Variants in USP6 observed in about 807,000 individuals in gnomAD.
The protein encoded by USP6 is ubiquitin specific peptidase 6.
A neutral mutation model predicts 175.7 loss-of-function variants in USP6; 128 were observed. That is an observed-to-expected ratio of 0.73 (90% CI 0.63 to 0.84). USP6 has a LOEUF of 0.84. USP6 is among the 40% of genes least tolerant of loss of function. The probability of loss-of-function intolerance (pLI) is 0.00; values close to 1 mark genes in which losing one functional copy is unlikely to be tolerated. For synonymous variants in USP6, 562 were observed against 630.6 expected (o/e 0.89, Z 1.63); for missense variants, 1,498 against 1,760.3 (o/e 0.85, Z 2.67).
chr17:5,123,471 G>GC (rs1398429841), intron 4 of USP6, among the ~76,000 whole-genome samples: 2 of 151,518 alleles, frequency 1.3e-5, no homozygotes, highest in African/African-American at 4.8e-5. Context: ...GGCCGGCCCA[G>GC]CCCGCGTCAC....
chr17:5,171,536 G>A (rs1240637813), intron 36 of USP6, 51 bp from the exon 37 acceptor site: 1 of 1,569,004 alleles, frequency 6.4e-7, no homozygotes, highest in East Asian at 2.2e-5. Flanking sequence ...CTATACCCTG[G>A]CCATAGTACA....
chr17:5,141,354 A>G, intron 22 of USP6, 71 bp from the exon 23 acceptor site: 1 of 1,428,272 alleles, frequency 7.0e-7, no homozygotes, highest in Non-Finnish European at 9.6e-7. Context: ...TTAAAAAAAA[A>G]AAACAGAAGC....
rs1378149663 is a variant in USP6 at position 5,138,248 on chromosome 17, G to C, written c.1053G>C (p.Arg351Ser). Residue 351 changes from arginine (R) to serine (S), a missense_variant, in exon 21 of 38, where the codon AGG (arginine) becomes AGC (serine). This residue lies in a region of USP6 where 1,217 missense variants were observed against 1,500.8 expected (regional missense o/e 0.81). Coordinates refer to ENST00000574788, the MANE Select transcript of USP6 (RefSeq NM_001304284.2). Reference sequence around the variant, plus strand: ...GGGCCTCTACGAAGAAACTAACAAGGAAGCAAGGGGACCTGCCACCCCCAG... The same window carrying C: ...GGGCCTCTACGAAGAAACTAACAAGCAAGCAAGGGGACCTGCCACCCCCAG... The part of the protein sequence containing the change: ...HLRASTKKLT[R>S]KQGDLPPPAK... The C allele has an allele frequency of 5.6e-6, 9 of 1,613,818 alleles. No individual in the cohort carries two copies. The highest frequency in any genetic ancestry group is 7.6e-6 in the Non-Finnish European group (9 of 1,179,954).
At chr17:5,162,118 AAC>A (rs2074015594) in intron 32 of USP6, among the ~76,000 whole-genome samples, 1 of 152,178 alleles carries the variant, frequency 6.6e-6, no homozygotes, top group Non-Finnish European at 1.5e-5. Context: ...ACTTGTGACA[AAC>A]ATTTATTACT....
chr17:5,145,366 T>C (rs1289980022), intron 26 of USP6, 39 bp from the exon 27 acceptor site: 2 of 1,537,694 alleles, frequency 1.3e-6, no homozygotes, highest in Admixed American at 2.1e-5. Flanking sequence ...GCCTCTCTTT[T>C]GGATTTTGAG....
At chr17:5,130,112 A>G (rs2143819322) in intron 9 of USP6, 23 bp downstream of exon 9, 2 of 498,652 alleles carry the variant, frequency 4.0e-6, no homozygotes, top group East Asian at 3.6e-5. Context: ...TTCATGGCAT[A>G]TGGGGACAAC....
At chr17:5,126,137 G>A (rs56404233) in intron 6 of USP6, among the ~76,000 whole-genome samples, 199 bp downstream of exon 6, 2 of 152,088 alleles carry the variant, frequency 1.3e-5, no homozygotes, top group Non-Finnish European at 2.9e-5. Context: ...TGGTGTTTGC[G>A]CAAGTGCCTT....
chr17:5,134,179 G>A (rs141211154), intron 15 of USP6, 183 bp downstream of exon 15: 3 of 638,236 alleles, frequency 4.7e-6, no homozygotes, highest in Non-Finnish European at 8.2e-6. Context: ...CCTGGGCCAG[G>A]CTGGAACATG....
At position 5,136,687 on chromosome 17, in the gene USP6, C is replaced by T. The variant is rs140348959; in HGVS notation, c.712C>T (p.Gln238Ter). Residue 238 changes from glutamine (Q) to a stop codon, truncating the protein, a stop_gained, in exon 18 of 38, where the codon CAG becomes TAG. Transcript: ENST00000574788. LOFTEE classifies it high-confidence loss of function. The stretch of plus-strand genomic sequence containing the variant: ...GACAGTCCAGGGGCTCCAAGACCAA[C>T]AGGAGCATGTGGTACCCAAGTCACA... ...GGTVQGLQDQ[Q>*]EHVVPKSQPK... is the part of the protein sequence containing the mutation. 69 of 1,612,100 alleles carry T rather than the reference C, an allele frequency of 4.3e-5. No homozygotes were observed. Among genetic ancestry groups the T allele is most frequent in the Non-Finnish European group, 5.5e-5 (65 of 1,179,790 alleles).
chr17:5,123,899 A>ACG (rs1378554438), intron 4 of USP6, among the ~76,000 whole-genome samples: 2 of 142,612 alleles, frequency 1.4e-5, no homozygotes, highest in East Asian at 2.0e-4. Flanking sequence ...GCAAGCACGC[A>ACG]CGTGCGCACA....
chr17:5,118,060 C>T (rs926467796), intron 1 of USP6, 140 bp from the exon 2 acceptor site: 3 of 146,590 alleles, frequency 2.0e-5, no homozygotes, highest in African/African-American at 7.9e-5. Context: ...CAGAGTGGGA[C>T]TCCGTCTCAA....
intron 6 of USP6, among the ~76,000 whole-genome samples, chr17:5,126,211 C>A (rs2072890560): frequency 6.6e-6 from 1 of 152,164 alleles, no homozygotes; most frequent in Non-Finnish European, 1.5e-5. Context: ...AGAAGCAGAG[C>A]CCCAGCATGT....
At chr17:5,137,370 C>A (rs2143902752) in intron 19 of USP6, among the ~76,000 whole-genome samples, 184 bp downstream of exon 19, 1 of 152,344 alleles carries the variant, frequency 6.6e-6, no homozygotes, top group Admixed American at 6.5e-5. Flanking sequence ...GGACTCAGGT[C>A]CAGCCTCATG....
intron 2 of USP6, among the ~76,000 whole-genome samples, chr17:5,120,263 G>GT (rs1481436849): frequency 3.9e-5 from 6 of 152,266 alleles, no homozygotes; most frequent in Middle Eastern, 3.4e-3. Context: ...GTGCTGTGGG[G>GT]TTGGTGGTGG....
intron 37 of USP6, among the ~76,000 whole-genome samples, chr17:5,172,327 A>T (rs746997190): frequency 1.6e-3 from 244 of 152,164 alleles, no homozygotes; most frequent in Non-Finnish European, 2.9e-3. Context: ...GTCAGGAGAT[A>T]GAGGCCATCC....
chr17:5,137,703 A>G lies in USP6; in HGVS notation c.878A>G (p.Glu293Gly), dbSNP rs2073301945. The G allele has an allele frequency of 1.2e-6, 2 of 1,609,020 alleles. No individual in the cohort carries two copies. Among genetic ancestry groups the G allele is most frequent in the Non-Finnish European group, 1.7e-6 (2 of 1,176,604 alleles). ...TGGGACGTGTATTTGGTGGAAGGAG[A>G]ACAGGTGTTGATGCCAATAACCAGC... ...RLWDVYLVEGEQVLMPITSIA... is the reference protein window; with the variant it reads ...RLWDVYLVEGGQVLMPITSIA... The change falls in exon 20 of 38, where the codon GAA (glutamate) becomes GGA (glycine). Residue 293 changes from glutamate to glycine, a missense_variant. This residue lies in a region of USP6 where 1,217 missense variants were observed against 1,500.8 expected (regional missense o/e 0.81). Transcript: ENST00000574788.
Position 5,127,611 on chromosome 17 carries a change from G to T in USP6, c.-366G>T, listed in dbSNP as rs1295153608. ...GATGTCCCTGTGTGTCCTGAACTGG[G>T]CCCTTCCTCCAGTGAGAAGCCTTCC... On this transcript the variant is annotated 5_prime_UTR_variant, in exon 7 of 38. Coordinates refer to ENST00000574788, the MANE Select transcript of USP6 (RefSeq NM_001304284.2). 3 of 152,210 alleles carry T rather than the reference G, an allele frequency of 2.0e-5. No homozygotes were observed. The highest frequency in any genetic ancestry group is 7.2e-5 in the African/African-American group (3 of 41,452). The allele number at this position is 152,210 out of a possible 1,614,324, so 9.4% of individuals were successfully genotyped here.
rs1284533891 is a variant in USP6 at position 5,145,566 on chromosome 17, C to A, written c.2154C>A (p.Asp718Glu). Residue 718 changes from aspartate (D) to glutamate (E), a missense_variant, in exon 27 of 38, where the codon GAC (aspartate) becomes GAA (glutamate). Physicochemically the swap from Asp to Glu is conservative, Grantham distance 45. This residue lies in a region of USP6 where 1,217 missense variants were observed against 1,500.8 expected (regional missense o/e 0.81). Transcript: ENST00000574788. ...SLPLPMDSYM[D>E]LEITVIKLDG... ...CACTACCAATGGACAGTTACATGGACTTAGAAATAACAGGTAGGTCACAAA... is the reference window on the plus strand; with the variant it reads ...CACTACCAATGGACAGTTACATGGAATTAGAAATAACAGGTAGGTCACAAA... The A allele has an allele frequency of 6.3e-7, 1 of 1,591,130 alleles. No homozygotes were observed. Among genetic ancestry groups the A allele is most frequent in the Non-Finnish European group, 8.5e-7 (1 of 1,170,322 alleles).
chr17:5,148,914 T>G (rs1339068432), intron 30 of USP6, 147 bp downstream of exon 30: 2 of 1,396,228 alleles, frequency 1.4e-6, no homozygotes, highest in East Asian at 2.5e-5. Context: ...AAATTTTATT[T>G]TTTTACTTTT....
Sources: allele counts gnomAD v4.1 joint callset (sites outside exome capture counted in the v4.1 genomes callset), GRCh38; gene constraint gnomAD v4.1.1; regional missense constraint gnomAD v4.1.1; transcripts MANE v1.5; gene names NCBI Gene and HGNC (gene_info 2026-07-23, HGNC 2026-07-21).